GOLM2: variants seen among roughly 807,000 people sequenced by gnomAD.
The protein encoded by GOLM2 is protein GOLM2.
GOLM2 carries 26 observed loss-of-function variants against 55.9 expected under a neutral mutation model. The ratio of observed to expected loss-of-function variants is 0.47; its 90% confidence interval spans 0.34 to 0.65. The LOEUF (loss-of-function observed/expected upper bound fraction) is 0.65. Ranked by LOEUF, GOLM2 falls within the 30% of genes least tolerant of loss-of-function variation. The pLI, the probability that GOLM2 is intolerant of heterozygous loss-of-function variation, is 0.01. For missense variants in GOLM2, 486 were observed against 531.8 expected (o/e 0.91, Z 0.85); for synonymous variants, 165 against 194.6 (o/e 0.85, Z 1.27).
At chr15:44,345,311 C>T (rs754390417) in intron 6 of GOLM2, among the ~76,000 whole-genome samples, 2 of 149,950 alleles carry the variant, frequency 1.3e-5, no homozygotes, top group African/African-American at 4.9e-5. Context: ...CTCGCTGTGT[C>T]GCCCAGGCTG....
At chr15:44,413,106 G>A (rs2079649580) in intron 9 of GOLM2, among the ~76,000 whole-genome samples, 1 of 151,608 alleles carries the variant, frequency 6.6e-6, no homozygotes, top group South Asian at 2.1e-4. Context: ...ATTTCTGTTT[G>A]TCTGTCATCT....
At position 44,338,280 on chromosome 15, in the gene GOLM2, A is replaced by C. The variant is rs1321338473; in HGVS notation, c.765A>C (p.Glu255Asp). The C allele has an allele frequency of 6.2e-7, 1 of 1,613,936 alleles. No homozygotes were observed. The highest frequency in any genetic ancestry group is 2.2e-5 in the East Asian group (1 of 44,830). ...RGGDAGMPGI[E>D]ENDLAKVDDL... Reference sequence around the variant, plus strand: ...GTGATGCAGGGATGCCTGGAATAGAAGAGAATGACCTAGCAAAAGTTGATG... The same window carrying C: ...GTGATGCAGGGATGCCTGGAATAGACGAGAATGACCTAGCAAAAGTTGATG... The change falls in exon 6 of 10, where the codon GAA (glutamate) becomes GAC (aspartate). Residue 255 changes from glutamate (E) to aspartate (D), a missense_variant. Physicochemically the swap from Glu to Asp is conservative, Grantham distance 45. Coordinates refer to ENST00000299957, the MANE Select transcript of GOLM2 (RefSeq NM_138423.4).
At chr15:44,355,444 C>A in intron 6 of GOLM2, 1 of 169,138 alleles carries the variant, frequency 5.9e-6, no homozygotes, top group South Asian at 1.3e-4. Flanking sequence ...AGTAACCTGC[C>A]AAATATGATG....
chr15:44,319,099 A>G (rs1246896646), intron 1 of GOLM2, among the ~76,000 whole-genome samples: 1 of 152,172 alleles, frequency 6.6e-6, no homozygotes, highest in Non-Finnish European at 1.5e-5. Context: ...TCATGTCTGT[A>G]GAACCGAATG....
chr15:44,373,212 C>T (rs2079340441), intron 6 of GOLM2, among the ~76,000 whole-genome samples: 1 of 152,188 alleles, frequency 6.6e-6, no homozygotes. Context: ...AATCCCAGCA[C>T]TTTGGGAGGC....
At chr15:44,361,737 CA>C (rs1219624617) in intron 6 of GOLM2, among the ~76,000 whole-genome samples, 2 of 152,082 alleles carry the variant, frequency 1.3e-5, no homozygotes, top group Non-Finnish European at 2.9e-5. Context: ...GGCAGAGACA[CA>C]ACCAAAAAAG....
intron 6 of GOLM2, among the ~76,000 whole-genome samples, chr15:44,350,069 A>G (rs1233624514): frequency 6.6e-6 from 1 of 152,162 alleles, no homozygotes; most frequent in Non-Finnish European, 1.5e-5. Context: ...CAACCTAACA[A>G]TGCATCCTAA....
chr15:44,359,514 G>A (rs1439826294), intron 6 of GOLM2, among the ~76,000 whole-genome samples: 1 of 152,088 alleles, frequency 6.6e-6, no homozygotes, highest in Non-Finnish European at 1.5e-5. Context: ...GTTGAACCCG[G>A]GAGGCAGAGC....
intron 8 of GOLM2, among the ~76,000 whole-genome samples, chr15:44,384,780 A>G (rs1040021305): frequency 1.3e-5 from 2 of 150,876 alleles, no homozygotes; most frequent in Admixed American, 6.6e-5. Flanking sequence ...GTGGTGGCGC[A>G]TGCCTGTAAT....
At chr15:44,400,209 T>C (rs1442751938) in intron 8 of GOLM2, among the ~76,000 whole-genome samples, 1 of 152,052 alleles carries the variant, frequency 6.6e-6, no homozygotes, top group Non-Finnish European at 1.5e-5. Context: ...TATTTATATA[T>C]TGTACATATC....
chr15:44,305,237 C>T (rs950922849), intron 1 of GOLM2, among the ~76,000 whole-genome samples: 1 of 152,080 alleles, frequency 6.6e-6, no homozygotes, highest in East Asian at 1.9e-4. Context: ...TAGGCCCAAG[C>T]AATTTGCCTG....
intron 6 of GOLM2, among the ~76,000 whole-genome samples, chr15:44,350,395 C>T (rs1168413632): frequency 6.6e-6 from 1 of 152,094 alleles, no homozygotes; most frequent in African/African-American, 2.4e-5. Flanking sequence ...AATTCCTAGA[C>T]ACATACAGTC....
chr15:44,351,082 C>T (rs1409886205), intron 6 of GOLM2, among the ~76,000 whole-genome samples: 5 of 152,224 alleles, frequency 3.3e-5, no homozygotes, highest in African/African-American at 1.2e-4. Context: ...AGTGGATGCC[C>T]ACTTTCACCA....
rs143467041 is a variant in GOLM2 at position 44,298,014 on chromosome 15, C to T, written c.327+8658C>T. 7.0e-4 allele frequency among the ~76,000 whole-genome samples: 106 copies of T among 151,422 alleles called. 5 individuals are homozygous for T. In the East Asian group the frequency reaches 0.02, roughly 29 times the overall value. ...TCCTGAGTAGCTGGGATTACAGGCA[C>T]GCACCACCAGGCCTGGCTAAATTTT... On this transcript the variant is annotated intron_variant, in intron 1 of 9. Transcript: ENST00000299957.
chr15:44,392,089 A>G (rs2079494515), intron 8 of GOLM2, among the ~76,000 whole-genome samples: 2 of 151,914 alleles, frequency 1.3e-5, no homozygotes, highest in Admixed American at 1.3e-4. Flanking sequence ...ACCTCAGGTG[A>G]TGCTCCTGGC....
intron 4 of GOLM2, among the ~76,000 whole-genome samples, chr15:44,336,583 C>T (rs1164082418): frequency 6.6e-6 from 1 of 152,110 alleles, no homozygotes; most frequent in African/African-American, 2.4e-5. Context: ...ACCTAATTGT[C>T]AGAGTACTCT....
chr15:44,397,716 A>G lies in GOLM2; in HGVS notation c.1073-5171A>G, dbSNP rs138861597. 2.3e-3 allele frequency among the ~76,000 whole-genome samples: 348 copies of G among 152,202 alleles called. 1 individual carries two copies. The highest frequency in any genetic ancestry group is 8.1e-3 in the African/African-American group (336 of 41,534). On this transcript the variant is annotated intron_variant, in intron 8 of 9. Transcript: ENST00000299957. ...TGAAATTTATGAGTTTTAAATCTAC[A>G]TGTTTAGCCCTCACTTTGCACCTAC...
At chr15:44,354,462 AAAAT>A (rs1034688832) in intron 6 of GOLM2, among the ~76,000 whole-genome samples, 16 of 151,960 alleles carry the variant, frequency 1.1e-4, no homozygotes, top group African/African-American at 2.9e-4. Context: ...TAATAAAATA[AAAAT>A]AAATAAATAA....
chr15:44,333,851 G>A (rs1234693139), intron 4 of GOLM2, among the ~76,000 whole-genome samples: 1 of 152,020 alleles, frequency 6.6e-6, no homozygotes, highest in East Asian at 1.9e-4. Flanking sequence ...GAGTAGCTGG[G>A]ACTACAGGCA....
Sources: gnomAD v4.1 joint callset for allele counts (sites outside exome capture counted in the v4.1 genomes callset) on GRCh38, gnomAD v4.1.1 for gene constraint, MANE v1.5 for transcripts, NCBI Gene and HGNC (gene_info 2026-07-23, HGNC 2026-07-21) for gene names.